The following GPR158 variants were observed in gnomAD, a reference collection of about 807,000 sequenced individuals.
The protein encoded by GPR158 is G protein-coupled receptor 158.
GPR158 carries 30 observed loss-of-function variants against 78.2 expected under a neutral mutation model. The ratio of observed to expected loss-of-function variants is 0.38; its 90% CI spans 0.29 to 0.52. GPR158 has a LOEUF of 0.52. Among genes scored for constraint, GPR158 ranks in the 20% least tolerant of loss-of-function variants. GPR158 has a pLI of 0.83. For synonymous variants in GPR158, 581 were observed against 591.1 expected, an observed-to-expected ratio of 0.98 and a Z score of 0.25; for missense variants, 1,463 against 1,523.5, an observed-to-expected ratio of 0.96 and a Z score of 0.66.
chr10:25,549,378 G>A (rs1836701543), intron 5 of GPR158, among the ~76,000 whole-genome samples: 1 of 151,940 alleles, frequency 6.6e-6, no homozygotes, highest in Admixed American at 6.6e-5. Context: ...AAAGAAATAT[G>A]TCTGAAATAC....
rs1174451198 is a variant in GPR158 at position 25,176,384 on chromosome 10, G to T, written c.902+62G>T. The T allele has an allele frequency of 1.6e-6, 2 of 1,259,060 alleles. No homozygotes were observed. The highest frequency in any genetic ancestry group is 3.0e-5 in the African/African-American group (2 of 67,452). The allele number at this position is 1,259,060 out of a possible 1,614,324, so 78.0% of individuals were successfully genotyped here. A position where few individuals can be genotyped will look rare whatever the true frequency, so the allele number is the denominator to read the frequency against. On this transcript the variant is annotated intron_variant, in intron 1 of 10. Transcript: ENST00000376351. The surrounding 1 kb of genome is among the most constrained non-coding windows in gnomAD (Gnocchi z 6.3). ...CGAAGCTTTCCTTCCGGTCTTGTGGGTGGGTGCACGTGTGAGGAAGGAACC... is the reference window on the plus strand; with the variant it reads ...CGAAGCTTTCCTTCCGGTCTTGTGGTTGGGTGCACGTGTGAGGAAGGAACC...
chr10:25,263,789 C>T (rs1347388201), intron 2 of GPR158, among the ~76,000 whole-genome samples: 1 of 152,002 alleles, frequency 6.6e-6, no homozygotes. Flanking sequence ...ATATAGAAAC[C>T]AGTTGGGTGT....
chr10:25,363,800 T>C (rs1318753969), intron 2 of GPR158, among the ~76,000 whole-genome samples: 14 of 151,846 alleles, frequency 9.2e-5, no homozygotes, highest in Non-Finnish European at 1.9e-4. Context: ...GCTTGGTTCA[T>C]CTAAGCATGC....
At chr10:25,197,921 G>A (rs1392396245) in intron 1 of GPR158, among the ~76,000 whole-genome samples, 3 of 152,156 alleles carry the variant, frequency 2.0e-5, no homozygotes, top group African/African-American at 7.2e-5. Context: ...CATATCCAAA[G>A]AGGTTCTTTA....
chr10:25,574,235 A>T (rs1837057094), intron 7 of GPR158, among the ~76,000 whole-genome samples: 1 of 148,048 alleles, frequency 6.8e-6, no homozygotes, highest in African/African-American at 2.5e-5. Flanking sequence ...GAAAGTTTTT[A>T]TGCATTGGAA....
intron 4 of GPR158, among the ~76,000 whole-genome samples, chr10:25,450,576 C>T (rs565851854): frequency 1.3e-5 from 2 of 152,100 alleles, no homozygotes; most frequent in South Asian, 2.1e-4. Context: ...GTATGCCAGA[C>T]CCTAGAGACA....
At chr10:25,252,065 C>T (rs1057200628) in intron 2 of GPR158, among the ~76,000 whole-genome samples, 2 of 152,040 alleles carry the variant, frequency 1.3e-5, no homozygotes, top group African/African-American at 4.8e-5. Flanking sequence ...TCATTCATTT[C>T]ATCTTCCATT....
chr10:25,212,151 A>G lies in GPR158; in HGVS notation c.903-8901A>G, dbSNP rs529503173. On this transcript the variant is annotated intron_variant, in intron 1 of 10. Coordinates refer to ENST00000376351, the MANE Select transcript of GPR158 (RefSeq NM_020752.3). ...TGGCATGTGTGTCAGTCTATTTTGC[A>G]CTGCTATAAAGAAATACCTGAGACT... Among the ~76,000 whole-genome samples the G allele has an allele frequency of 1.4e-3, 217 of 152,304 alleles. 1 individual carries two copies. The highest frequency in any genetic ancestry group is 2.5e-3 in the Non-Finnish European group (173 of 68,030).
intron 2 of GPR158, among the ~76,000 whole-genome samples, chr10:25,373,907 C>A (rs141976169): frequency 2.9e-4 from 44 of 151,656 alleles, no homozygotes; most frequent in Non-Finnish European, 5.5e-4. Context: ...TTATGCAGTG[C>A]TTTTTAATGT....
At chr10:25,578,549 C>G (rs1471560542) in intron 7 of GPR158, among the ~76,000 whole-genome samples, 1 of 152,162 alleles carries the variant, frequency 6.6e-6, no homozygotes, top group Non-Finnish European at 1.5e-5. Flanking sequence ...GAAACTCTAC[C>G]TTTGACTTCT....
At chr10:25,275,757 T>C (rs971093824) in intron 2 of GPR158, among the ~76,000 whole-genome samples, 6 of 152,198 alleles carry the variant, frequency 3.9e-5, no homozygotes, top group African/African-American at 1.4e-4. Flanking sequence ...GAAAGAAATT[T>C]AGGTCATTTT....
intron 1 of GPR158, among the ~76,000 whole-genome samples, chr10:25,185,130 T>G (rs1441798088): frequency 4.6e-5 from 7 of 152,174 alleles, no homozygotes; most frequent in Admixed American, 3.3e-4. Context: ...CTGCCTCTGG[T>G]TGAAAGCCAC....
chr10:25,548,154 G>A (rs991942998), intron 5 of GPR158, among the ~76,000 whole-genome samples: 16 of 152,046 alleles, frequency 1.1e-4, no homozygotes, highest in Non-Finnish European at 2.9e-5. Flanking sequence ...AGATCATTGA[G>A]CAAATATTTA....
intron 5 of GPR158, among the ~76,000 whole-genome samples, chr10:25,501,534 A>G (rs565137625): frequency 1.3e-5 from 2 of 152,178 alleles, no homozygotes; most frequent in Non-Finnish European, 2.9e-5. Context: ...TGCCTGGCAG[A>G]TAGTAGGCAC....
rs375851956 is a variant in GPR158, at chr10:25,562,735, A to G, written c.1515-9914A>G. On this transcript the variant is annotated intron_variant, in intron 6 of 10. Coordinates refer to ENST00000376351, the MANE Select transcript of GPR158 (RefSeq NM_020752.3). ...AATGTTCCACGTGCACTTGACAAGAACGTGTACTCTGCTGCTGTGGAGATG... is the reference window on the plus strand; with the variant it reads ...AATGTTCCACGTGCACTTGACAAGAGCGTGTACTCTGCTGCTGTGGAGATG... 3.3e-5 allele frequency among the ~76,000 whole-genome samples: 5 copies of G among 152,172 alleles called. No homozygotes were observed. The East Asian group carries it at 7.7e-4, about 23-fold the overall frequency.
intron 2 of GPR158, among the ~76,000 whole-genome samples, chr10:25,286,569 C>T (rs1398831823): frequency 6.6e-6 from 1 of 152,002 alleles, no homozygotes; most frequent in African/African-American, 2.4e-5. Flanking sequence ...TTGTATTTAG[C>T]TCCTTAGATC....
intron 7 of GPR158, among the ~76,000 whole-genome samples, chr10:25,588,714 T>C (rs1279246900): frequency 2.0e-5 from 3 of 152,190 alleles, no homozygotes; most frequent in Admixed American, 6.5e-5. Context: ...TAGTTTACAG[T>C]GGTTTTCAGA....
intron 5 of GPR158, among the ~76,000 whole-genome samples, chr10:25,493,428 GAA>G (rs968975628): frequency 3.3e-5 from 5 of 152,116 alleles, no homozygotes; most frequent in Non-Finnish European, 7.4e-5. Context: ...GATGTTTTCT[GAA>G]AGAGTTCTTT....
chr10:25,386,114 A>G (rs967271219), intron 2 of GPR158, among the ~76,000 whole-genome samples: 16 of 152,100 alleles, frequency 1.1e-4, no homozygotes, highest in African/African-American at 3.9e-4. Context: ...GTCTTAAATC[A>G]TATTGATTAA....
Sources: gnomAD v4.1 joint callset for allele counts (sites outside exome capture counted in the v4.1 genomes callset) on GRCh38, gnomAD v4.1.1 for gene constraint, Gnocchi (gnomAD v3.1) non-coding constraint, MANE v1.5 for transcripts, NCBI Gene and HGNC (gene_info 2026-07-23, HGNC 2026-07-21) for gene names.